Variants in PHLPP1 observed in about 807,000 individuals in gnomAD.
PHLPP1 encodes PH domain and leucine rich repeat protein phosphatase 1.
PHLPP1 carries 42 observed loss-of-function variants against 117.2 expected under a neutral mutation model. The observed-to-expected ratio is 0.36, with a 90% confidence interval of 0.28 to 0.46. The LOEUF (loss-of-function observed/expected upper bound fraction) is 0.46, where lower values mean the gene tolerates loss of function less well. Among genes scored for constraint, PHLPP1 ranks in the 20% least tolerant of loss-of-function variants. The pLI is 1.00. For synonymous variants in PHLPP1, 1,042 were observed against 970.7 expected (o/e 1.07, Z -1.37); for missense variants, 2,084 against 2,241.9 (o/e 0.93, Z 1.42).
chr18:62,955,122 AC>A (rs1910576155), intron 12 of PHLPP1, among the ~76,000 whole-genome samples: 1 of 152,218 alleles, frequency 6.6e-6, no homozygotes, highest in Non-Finnish European at 1.5e-5. Context: ...GGCATATTGC[AC>A]CAGATAAAAA....
intron 12 of PHLPP1, among the ~76,000 whole-genome samples, chr18:62,955,658 T>A (rs1011091087): frequency 6.6e-6 from 1 of 152,196 alleles, no homozygotes; most frequent in Non-Finnish European, 1.5e-5. Flanking sequence ...CATAAGTAAT[T>A]AGTTACCCTA....
At chr18:62,936,508 T>C (rs546404075) in intron 10 of PHLPP1, among the ~76,000 whole-genome samples, 4 of 152,336 alleles carry the variant, frequency 2.6e-5, no homozygotes, top group Non-Finnish European at 2.9e-5. Flanking sequence ...CCACACGTTA[T>C]TTAATTACAA....
intron 9 of PHLPP1, among the ~76,000 whole-genome samples, chr18:62,917,659 T>C (rs1215396416): frequency 6.7e-6 from 1 of 149,748 alleles, no homozygotes; most frequent in Non-Finnish European, 1.5e-5. Context: ...CTGCAAAAAA[T>C]AAAATTAGCT....
At chr18:62,893,495 A>G (rs184829814) in intron 4 of PHLPP1, among the ~76,000 whole-genome samples, 2 of 152,374 alleles carry the variant, frequency 1.3e-5, no homozygotes, top group East Asian at 3.9e-4. Flanking sequence ...CCAAGTAAAC[A>G]GGTATTATTT....
rs774225759 is a variant in PHLPP1 at position 62,900,433 on chromosome 18, C to CTTTTTTT, written c.2445-2509_2445-2503dup. ...GTATTCTTGTTTTTTCTTTTTCTTT[C>CTTTTTTT]TTTTTTTTTTTTTTTTTTTTTTTTT... On this transcript the variant is annotated intron_variant, in intron 6 of 16. Coordinates refer to ENST00000262719, the MANE Select transcript of PHLPP1 (RefSeq NM_194449.4). Among the ~76,000 whole-genome samples, 96 of 54,266 alleles carry CTTTTTTT rather than the reference C, an allele frequency of 1.8e-3. 19 individuals are homozygous for CTTTTTTT. The highest frequency in any genetic ancestry group is 4.5e-3 in the African/African-American group (55 of 12,310). 35.6% of individuals were successfully genotyped at this position (54,266 alleles called of 152,430 possible).
intron 1 of PHLPP1, among the ~76,000 whole-genome samples, chr18:62,744,674 A>G (rs1911626316): frequency 1.3e-5 from 2 of 152,264 alleles, no homozygotes; most frequent in South Asian, 4.1e-4. Flanking sequence ...ATAGGAAGAT[A>G]AACAGATCAT....
intron 4 of PHLPP1, among the ~76,000 whole-genome samples, chr18:62,865,924 T>C (rs1599091284): frequency 6.6e-6 from 1 of 152,104 alleles, no homozygotes; most frequent in Non-Finnish European, 1.5e-5. Flanking sequence ...GAAAAATAAC[T>C]AACAGATACT....
At chr18:62,940,346 T>C (rs1024048841) in intron 10 of PHLPP1, among the ~76,000 whole-genome samples, 3 of 144,170 alleles carry the variant, frequency 2.1e-5, no homozygotes, top group Non-Finnish European at 4.5e-5. Flanking sequence ...TTTCTTTTTC[T>C]TTCTTTTCTT....
intron 1 of PHLPP1, among the ~76,000 whole-genome samples, chr18:62,726,801 C>T (rs993847761): frequency 1.3e-5 from 2 of 151,486 alleles, no homozygotes; most frequent in African/African-American, 4.8e-5. Flanking sequence ...CCATGCTGGT[C>T]TTGAACTCCT....
intron 4 of PHLPP1, among the ~76,000 whole-genome samples, chr18:62,872,432 C>T (rs1409583064): frequency 6.6e-6 from 1 of 152,026 alleles, no homozygotes; most frequent in African/African-American, 2.4e-5. Context: ...GTGGCTCAGG[C>T]TTATAATCCC....
chr18:62,899,673 T>C (rs1457094375), intron 6 of PHLPP1, among the ~76,000 whole-genome samples: 1 of 152,198 alleles, frequency 6.6e-6, no homozygotes, highest in East Asian at 1.9e-4. Context: ...AACAAAGCCA[T>C]AGGTCATCAT....
At chr18:62,717,663 C>T (rs148643800) in intron 1 of PHLPP1, among the ~76,000 whole-genome samples, 1 of 152,248 alleles carries the variant, frequency 6.6e-6, no homozygotes, top group African/African-American at 2.4e-5. Flanking sequence ...AATAAAAATG[C>T]TCTATCACAC....
chr18:62,969,771 A>G (rs1911000405), intron 14 of PHLPP1, among the ~76,000 whole-genome samples: 1 of 152,252 alleles, frequency 6.6e-6, no homozygotes, highest in Non-Finnish European at 1.5e-5. Context: ...GTCTGATATT[A>G]ACATAGCCAT....
At chr18:62,914,402 C>T (rs1212282001) in intron 8 of PHLPP1, among the ~76,000 whole-genome samples, 8 of 152,136 alleles carry the variant, frequency 5.3e-5, no homozygotes, top group East Asian at 1.9e-4. Context: ...AGAGATGATA[C>T]AGACTATGTA....
chr18:62,784,324 T>C (rs1156304389), intron 1 of PHLPP1, among the ~76,000 whole-genome samples: 1 of 151,998 alleles, frequency 6.6e-6, no homozygotes, highest in Non-Finnish European at 1.5e-5. Flanking sequence ...ATAGTGAGAG[T>C]AAAAGAGGAA....
intron 4 of PHLPP1, among the ~76,000 whole-genome samples, chr18:62,881,473 C>T (rs1355445548): frequency 6.6e-6 from 1 of 152,122 alleles, no homozygotes; most frequent in East Asian, 1.9e-4. Context: ...TCTTTCATGA[C>T]TGTAAATTTT....
intron 1 of PHLPP1, among the ~76,000 whole-genome samples, chr18:62,798,589 T>C (rs768540947): frequency 2.0e-5 from 3 of 152,206 alleles, no homozygotes; most frequent in Non-Finnish European, 4.4e-5. Context: ...TAGAGTTATG[T>C]TGTTGAAGTA....
intron 1 of PHLPP1, among the ~76,000 whole-genome samples, chr18:62,754,028 C>G (rs1423292780): frequency 6.6e-6 from 1 of 152,186 alleles, no homozygotes; most frequent in Non-Finnish European, 1.5e-5. Flanking sequence ...ACCCATGTAA[C>G]TAGCCCTTCA....
chr18:62,920,170 T>A, intron 10 of PHLPP1, 56 bp downstream of exon 10: 1 of 1,484,220 alleles, frequency 6.7e-7, no homozygotes. Context: ...CTCATTTGTA[T>A]CTTTGTCTTT....
Sources: allele counts gnomAD v4.1 joint callset (sites outside exome capture counted in the v4.1 genomes callset), GRCh38; gene constraint gnomAD v4.1.1; transcripts MANE v1.5; gene names NCBI Gene and HGNC (gene_info 2026-07-23, HGNC 2026-07-21).